Variants in FMN1 observed in about 807,000 individuals in gnomAD.
FMN1 encodes formin-1.
FMN1 carries 110 observed loss-of-function variants against 132.4 expected under a neutral mutation model. That is an observed-to-expected ratio of 0.83 (90% CI 0.71 to 0.97). The LOEUF is 0.97. Among genes scored for constraint, FMN1 ranks in the 50% least tolerant of loss-of-function variants. The probability of loss-of-function intolerance (pLI) is 0.00; values close to 1 mark genes in which losing one functional copy is unlikely to be tolerated. For synonymous variants in FMN1, 722 were observed against 651.7 expected, an observed-to-expected ratio of 1.11 and a Z score of -1.64; for missense variants, 1,792 against 1,705.3, an observed-to-expected ratio of 1.05 and a Z score of -0.90.
At position 33,154,200 on chromosome 15, in the gene FMN1, C is replaced by CT; in HGVS notation, c.714dup (p.Asp239ArgfsTer16). ...TCTGTGTCTGGCGTCTTGGGAATAT[C>CT]TGGGGGGCAGCTCTCTCTCCTCTGC... On this transcript the variant is annotated frameshift_variant, in exon 4 of 21. Coordinates refer to ENST00000616417, the MANE Select transcript of FMN1 (RefSeq NM_001277313.2). LOFTEE classifies it high-confidence loss of function. The CT allele has an allele frequency of 6.5e-7, 1 of 1,536,354 alleles. No homozygotes were observed. The highest frequency in any genetic ancestry group is 8.7e-7 in the Non-Finnish European group (1 of 1,146,970).
intron 3 of FMN1, among the ~76,000 whole-genome samples, chr15:33,161,218 C>T (rs950721349): frequency 6.6e-6 from 1 of 152,252 alleles, no homozygotes; most frequent in Non-Finnish European, 1.5e-5. Flanking sequence ...CAAATTCACA[C>T]TCTACCTTTC....
intron 3 of FMN1, 147 bp from the exon 4 acceptor site, chr15:33,155,192 A>C: frequency 2.8e-6 from 1 of 354,130 alleles, no homozygotes. Context: ...CCAGATTTCA[A>C]TCTCTTCCTC....
Position 32,769,054 on chromosome 15 carries a change from G to GT in FMN1, c.*5255dup, listed in dbSNP as rs930265585. ...GGGGATAGAGGAGGAAATGAGTTCC[G>GT]TAAGTTCCACCAGACAGCAGACCTA... is the stretch of plus-strand genomic sequence containing the variant. On this transcript the variant is annotated 3_prime_UTR_variant, in exon 21 of 21. Transcript: ENST00000616417. 6 of 152,140 alleles carry GT rather than the reference G, an allele frequency of 3.9e-5. No individual in the cohort carries two copies. The highest frequency in any genetic ancestry group is 1.4e-4 in the African/African-American group (6 of 41,418). The allele number at this position is 152,140 out of a possible 1,614,324, so 9.4% of individuals were successfully genotyped here.
At chr15:33,085,366 G>T (rs559244897) in intron 5 of FMN1, among the ~76,000 whole-genome samples, 1 of 152,044 alleles carries the variant, frequency 6.6e-6, no homozygotes, top group Non-Finnish European at 1.5e-5. Context: ...GGCTTGAGGT[G>T]AGGAAGGAAA....
chr15:33,185,542 A>G (rs538219350), intron 2 of FMN1, among the ~76,000 whole-genome samples: 19 of 141,388 alleles, frequency 1.3e-4, no homozygotes, highest in African/African-American at 3.4e-4. Flanking sequence ...GAAAATTTGT[A>G]GTAATTTTTT....
In FMN1 at chr15:32,956,302, T is replaced by A. The variant is rs142335575; in HGVS notation, c.3138+7805A>T. On this transcript the variant is annotated intron_variant, in intron 9 of 20. Coordinates refer to ENST00000616417, the MANE Select transcript of FMN1 (RefSeq NM_001277313.2). Reference sequence around the variant, plus strand: ...CATGGTTGAACTCCAAGAATAATACTCAGATGCAGCATTCTGAAAGAATCA... The same window carrying A: ...CATGGTTGAACTCCAAGAATAATACACAGATGCAGCATTCTGAAAGAATCA... Among the ~76,000 whole-genome samples the A allele has an allele frequency of 5.3e-3, 801 of 151,702 alleles. 11 individuals carry two copies. The highest frequency in any genetic ancestry group is 0.019 in the African/African-American group (770 of 41,382).
At chr15:32,922,927 G>C (rs1416660561) in intron 10 of FMN1, among the ~76,000 whole-genome samples, 1 of 152,192 alleles carries the variant, frequency 6.6e-6, no homozygotes, top group African/African-American at 2.4e-5. Flanking sequence ...CATTTTAATG[G>C]GGAAAATGGC....
Position 32,916,860 on chromosome 15 carries a change from G to T in FMN1, c.3227-6325C>A, listed in dbSNP as rs544538480. The stretch of plus-strand genomic sequence containing the variant: ...TACTGGTATTTTTCAGAACTCGACA[G>T]AAATTCAATCAGTAAGAGAAAGAGA... On this transcript the variant is annotated intron_variant, in intron 10 of 20. Transcript: ENST00000616417. Among the ~76,000 whole-genome samples, 10 of 152,236 alleles carry T rather than the reference G, an allele frequency of 6.6e-5. No homozygotes were observed. The South Asian group carries it at 2.1e-3, about 32-fold the overall frequency.
intron 16 of FMN1, among the ~76,000 whole-genome samples, chr15:32,886,627 A>G (rs1010996342): frequency 3.3e-5 from 5 of 152,198 alleles, no homozygotes; most frequent in Admixed American, 6.5e-5. Flanking sequence ...GAAAAGATCA[A>G]ACAGGGATCA....
At chr15:32,860,742 C>CCCTT (rs2059249864) in intron 16 of FMN1, 1 of 152,212 alleles carries the variant, frequency 6.6e-6, no homozygotes, top group African/African-American at 2.4e-5. Context: ...GACTTGCTTG[C>CCCTT]CCTTCCCCTG....
At chr15:32,777,558 ATATAACAC>A (rs1295595568) in intron 19 of FMN1, among the ~76,000 whole-genome samples, 5 of 147,358 alleles carry the variant, frequency 3.4e-5, no homozygotes, top group South Asian at 2.1e-4. Flanking sequence ...TACGTATAAC[ATATAACAC>A]TTTATATATT....
chr15:32,948,318 T>C (rs985153073), intron 9 of FMN1, among the ~76,000 whole-genome samples: 5 of 152,042 alleles, frequency 3.3e-5, no homozygotes, highest in Admixed American at 6.6e-5. Context: ...CTGGATTTCA[T>C]TTGCTAATAT....
intron 7 of FMN1, among the ~76,000 whole-genome samples, chr15:32,998,942 C>CA (rs2033935564): frequency 6.6e-6 from 1 of 152,196 alleles, no homozygotes; most frequent in Non-Finnish European, 1.5e-5. Context: ...CATGAAAATT[C>CA]AAGTCCAAAT....
chr15:32,784,569 A>G (rs1445271930), intron 19 of FMN1, among the ~76,000 whole-genome samples: 1 of 152,228 alleles, frequency 6.6e-6, no homozygotes, highest in African/African-American at 2.4e-5. Context: ...TTCTTCTGAC[A>G]GCCATAACCA....
At position 32,964,211 on chromosome 15, in the gene FMN1, T is replaced by A. The variant is rs1191710396; in HGVS notation, c.3034A>T (p.Ile1012Phe). ...TACTCAAATTCACTGGGGTCCCGAA[T>A]GTCAGGTTCTTCTAAGGAGTCCCAT... ...TLWDSLEEPD[I>F]RDPSEFEYLF... is the part of the protein sequence containing the mutation. Residue 1012 changes from isoleucine to phenylalanine, a missense_variant, in exon 9 of 21, where the codon ATT (isoleucine) becomes TTT (phenylalanine). By Grantham distance (21) the Ile-to-Phe change is conservative (BLOSUM62 0). Coordinates refer to ENST00000616417, the MANE Select transcript of FMN1 (RefSeq NM_001277313.2). The A allele has an allele frequency of 1.9e-6, 3 of 1,612,816 alleles. No individual in the cohort carries two copies. Among genetic ancestry groups the A allele is most frequent in the Non-Finnish European group, 8.5e-7 (1 of 1,179,118 alleles).
At chr15:32,914,302 T>G (rs1165437702) in intron 10 of FMN1, among the ~76,000 whole-genome samples, 1 of 152,164 alleles carries the variant, frequency 6.6e-6, no homozygotes, top group Non-Finnish European at 1.5e-5. Flanking sequence ...GCTAAATTCA[T>G]CCATGCAATG....
chr15:32,809,024 A>G (rs904538162), intron 17 of FMN1, among the ~76,000 whole-genome samples: 2 of 151,026 alleles, frequency 1.3e-5, no homozygotes, highest in Non-Finnish European at 3.0e-5. Context: ...GTTTCAGCTC[A>G]TTTTGTTTTA....
rs560153284 is a variant in FMN1 at position 32,975,019 on chromosome 15, C to A, written c.2224-5542G>T. ...TTCCCTGCTCTTTTCCTATGCTATA[C>A]CACTACAGATAACCAACACTCATAT... On this transcript the variant is annotated intron_variant, in intron 7 of 20. Coordinates refer to ENST00000616417, the MANE Select transcript of FMN1 (RefSeq NM_001277313.2). Among the ~76,000 whole-genome samples the A allele has an allele frequency of 9.8e-5, 15 of 152,318 alleles. No homozygotes were observed. The South Asian group carries it at 2.7e-3, about 27-fold the overall frequency.
At chr15:32,953,167 G>C (rs1163923307) in intron 9 of FMN1, among the ~76,000 whole-genome samples, 1 of 152,118 alleles carries the variant, frequency 6.6e-6, no homozygotes, top group Non-Finnish European at 1.5e-5. Flanking sequence ...CTCCAATCCC[G>C]TTTGTACCCC....
Sources: gnomAD v4.1 joint callset for allele counts (sites outside exome capture counted in the v4.1 genomes callset) on GRCh38, gnomAD v4.1.1 for gene constraint, MANE v1.5 for transcripts, NCBI Gene and HGNC (gene_info 2026-07-23, HGNC 2026-07-21) for gene names.